PCMTD1: variants seen among roughly 807,000 people sequenced by gnomAD.
The protein encoded by PCMTD1 is protein-L-isoaspartate O-methyltransferase domain-containing protein 1.
In PCMTD1, 12 loss-of-function variants were observed where a neutral mutation model predicts 37.6. The ratio of observed to expected loss-of-function variants is 0.32; its 90% CI spans 0.20 to 0.52. The LOEUF is 0.52. Among genes scored for constraint, PCMTD1 ranks in the 20% least tolerant of loss-of-function variants. The pLI is 0.97. For synonymous variants in PCMTD1, 117 were observed against 135.8 expected, an observed-to-expected ratio of 0.86 and a Z score of 0.96; for missense variants, 235 against 421.3, an observed-to-expected ratio of 0.56 and a Z score of 3.87.
At chr8:51,839,115 A>T (rs961408910) in intron 3 of PCMTD1, among the ~76,000 whole-genome samples, 1 of 152,126 alleles carries the variant, frequency 6.6e-6, no homozygotes, top group Admixed American at 6.6e-5. Flanking sequence ...AATGTTCAAA[A>T]CAAAATTTCC....
chr8:51,851,473 T>C (rs979389307), intron 2 of PCMTD1, among the ~76,000 whole-genome samples: 5 of 152,142 alleles, frequency 3.3e-5, no homozygotes, highest in Non-Finnish European at 7.3e-5. Flanking sequence ...TTCTACACAA[T>C]GTACTAATAT....
At chr8:51,879,320 T>TA (rs2038759114) in intron 1 of PCMTD1, among the ~76,000 whole-genome samples, 1 of 149,404 alleles carries the variant, frequency 6.7e-6, no homozygotes. Flanking sequence ...TAAAAAAAAA[T>TA]AAAGTTGGAA....
intron 5 of PCMTD1, among the ~76,000 whole-genome samples, chr8:51,831,035 C>T (rs1008459364): frequency 1.3e-5 from 2 of 151,608 alleles, no homozygotes; most frequent in Non-Finnish European, 2.9e-5. Flanking sequence ...GGGTGGCTCA[C>T]GCCTATAATC....
intron 1 of PCMTD1, among the ~76,000 whole-genome samples, chr8:51,887,211 C>T (rs138303750): frequency 2.0e-5 from 3 of 152,244 alleles, no homozygotes; most frequent in Admixed American, 1.3e-4. Context: ...GTCACATATT[C>T]GCAGGTTCCA....
chr8:51,861,208 C>T lies in PCMTD1; in HGVS notation c.-57G>A. On this transcript the variant is annotated 5_prime_UTR_variant, in exon 2 of 6. Coordinates refer to ENST00000522514, the MANE Select transcript of PCMTD1 (RefSeq NM_052937.4). ...AGTGAAATAAAATTAGTAGAAATGG[C>T]TTCCAATATTGCACTTGATTTCCAA... 2 of 1,509,112 alleles carry T rather than the reference C, an allele frequency of 1.3e-6. No individual in the cohort carries two copies. The highest frequency in any genetic ancestry group is 1.8e-6 in the Non-Finnish European group (2 of 1,127,012). The allele number at this position is 1,509,112 out of a possible 1,614,324, so 93.5% of individuals were successfully genotyped here. A position where few individuals can be genotyped will look rare whatever the true frequency, so the allele number is the denominator to read the frequency against.
At chr8:51,839,017 T>C (rs1014408338) in intron 3 of PCMTD1, among the ~76,000 whole-genome samples, 1 of 152,194 alleles carries the variant, frequency 6.6e-6, no homozygotes, top group African/African-American at 2.4e-5. Context: ...CCTTCCCTAA[T>C]TGTTATACTT....
chr8:51,890,004 A>C (rs2038915943), intron 1 of PCMTD1, among the ~76,000 whole-genome samples: 1 of 151,978 alleles, frequency 6.6e-6, no homozygotes, highest in Admixed American at 6.6e-5. Flanking sequence ...CTTAACAAAA[A>C]AAAAAAAAAA....
chr8:51,831,484 T>C lies in PCMTD1; in HGVS notation c.666A>G (p.Pro222=), dbSNP rs763352008. ...LAVSFAPLVQ[P]SKNDNGKPDS... ...CTGGTTTGCCATTATCATTCTTACT[T>C]GGTTGCACAAGTGGAGCAAATGAAA... is the stretch of plus-strand genomic sequence containing the variant. The change falls in exon 5 of 6, where the codon CCA becomes CCG. Residue 222 remains proline (P), a synonymous_variant. Transcript: ENST00000522514. 1 of 1,613,882 alleles carries C rather than the reference T, an allele frequency of 6.2e-7. No individual in the cohort carries two copies. The highest frequency in any genetic ancestry group is 8.5e-7 in the Non-Finnish European group (1 of 1,179,902).
intron 3 of PCMTD1, among the ~76,000 whole-genome samples, chr8:51,837,881 G>T (rs1015312441): frequency 6.6e-6 from 1 of 152,094 alleles, no homozygotes; most frequent in Non-Finnish European, 1.5e-5. Context: ...TCGGGTTCAA[G>T]CAATTCTTGT....
chr8:51,895,515 G>C (rs927754676), intron 1 of PCMTD1, among the ~76,000 whole-genome samples: 2 of 152,124 alleles, frequency 1.3e-5, no homozygotes, highest in South Asian at 4.1e-4. Context: ...ATAAAGTTGA[G>C]TTATTTCTGG....
chr8:51,872,059 G>T (rs1320532486), intron 1 of PCMTD1, among the ~76,000 whole-genome samples: 1 of 152,174 alleles, frequency 6.6e-6, no homozygotes, highest in African/African-American at 2.4e-5. Flanking sequence ...AGAAACAGTA[G>T]ATGGTAGTTC....
intron 1 of PCMTD1, among the ~76,000 whole-genome samples, chr8:51,886,399 T>C (rs551489609): frequency 1.3e-5 from 2 of 152,358 alleles, no homozygotes; most frequent in South Asian, 4.1e-4. Flanking sequence ...AGCCCTTTTG[T>C]CAATACCCCT....
At chr8:51,898,517 G>T (rs1373377610) in intron 1 of PCMTD1, among the ~76,000 whole-genome samples, 2 of 152,202 alleles carry the variant, frequency 1.3e-5, no homozygotes, top group East Asian at 3.9e-4. Flanking sequence ...GGCCCTAAGG[G>T]GCCCGCGGGC....
chr8:51,858,272 CCA>C (rs1239752848), intron 2 of PCMTD1, among the ~76,000 whole-genome samples: 1 of 151,850 alleles, frequency 6.6e-6, no homozygotes, highest in African/African-American at 2.4e-5. Context: ...CGGGACTCCC[CCA>C]GAGTTTACTA....
At chr8:51,886,989 C>T (rs1053291060) in intron 1 of PCMTD1, among the ~76,000 whole-genome samples, 11 of 151,294 alleles carry the variant, frequency 7.3e-5, no homozygotes, top group Non-Finnish European at 4.4e-5. Flanking sequence ...TGCCTCATGG[C>T]CCTTTCTTTC....
In PCMTD1 at chr8:51,817,763, T is replaced by C. The variant is rs2037779659; in HGVS notation, c.*2588A>G. 4.5e-6 allele frequency: 2 copies of C among 440,928 alleles called. No homozygotes were observed. Among genetic ancestry groups the C allele is most frequent in the Admixed American group, 2.5e-5 (1 of 39,748 alleles). 27.3% of individuals were successfully genotyped at this position (440,928 alleles called of 1,614,324 possible). ...TTTATTAATACTAGAACCAAATATA[T>C]TGACCAATAAGCAGTATAGATTTAA... On this transcript the variant is annotated 3_prime_UTR_variant, in exon 6 of 6. Coordinates refer to ENST00000522514, the MANE Select transcript of PCMTD1 (RefSeq NM_052937.4).
At chr8:51,852,322 C>T (rs912434813) in intron 2 of PCMTD1, among the ~76,000 whole-genome samples, 1 of 152,096 alleles carries the variant, frequency 6.6e-6, no homozygotes, top group Non-Finnish European at 1.5e-5. Context: ...CAAATGATAT[C>T]CACAAAGCAT....
chr8:51,820,857 T>A, intron 5 of PCMTD1, 139 bp from the exon 6 acceptor site: 1 of 1,039,090 alleles, frequency 9.6e-7, no homozygotes, highest in Non-Finnish European at 1.3e-6. Flanking sequence ...ACCTTTCATC[T>A]AACAAAGGTT....
intron 1 of PCMTD1, among the ~76,000 whole-genome samples, chr8:51,883,677 T>C (rs2129293007): frequency 6.6e-6 from 1 of 152,342 alleles, no homozygotes. Flanking sequence ...AATCATTCCC[T>C]TGATGTACAG....
Sources: allele counts gnomAD v4.1 joint callset (sites outside exome capture counted in the v4.1 genomes callset), GRCh38; gene constraint gnomAD v4.1.1; transcripts MANE v1.5; gene names NCBI Gene and HGNC (gene_info 2026-07-23, HGNC 2026-07-21).